The following CDH18 variants were observed in gnomAD, a reference collection of about 807,000 sequenced individuals.
CDH18 encodes the protein cadherin 18, also known as cadherin-18.
A neutral mutation model predicts 67.9 loss-of-function variants in CDH18; 31 were observed. The ratio of observed to expected loss-of-function variants is 0.46; its 90% CI spans 0.34 to 0.62. CDH18 has a LOEUF of 0.62. Among genes scored for constraint, CDH18 ranks in the 20% least tolerant of loss-of-function variants. CDH18 has a pLI of 0.01. For synonymous variants in CDH18, 362 were observed against 347.2 expected, an observed-to-expected ratio of 1.04 and a Z score of -0.48; for missense variants, 890 against 975.5, an observed-to-expected ratio of 0.91 and a Z score of 1.17.
At chr5:20,225,297 T>C (rs750219370) in intron 2 of CDH18, among the ~76,000 whole-genome samples, 2 of 152,184 alleles carry the variant, frequency 1.3e-5, no homozygotes, top group African/African-American at 2.4e-5. Context: ...ATATTGACTT[T>C]GCACTTTTTG....
chr5:20,528,243 GA>G (rs1756186732), intron 1 of CDH18, among the ~76,000 whole-genome samples: 2 of 151,934 alleles, frequency 1.3e-5, no homozygotes, highest in Non-Finnish European at 1.5e-5. Context: ...CCCAATACAA[GA>G]GCACCCAGAT....
chr5:19,872,149 G>A (rs1362353052), intron 2 of CDH18, among the ~76,000 whole-genome samples: 1 of 152,100 alleles, frequency 6.6e-6, no homozygotes, highest in Non-Finnish European at 1.5e-5. Flanking sequence ...AAAAGACTAT[G>A]TTACATTTGG....
intron 3 of CDH18, among the ~76,000 whole-genome samples, chr5:19,805,591 G>A (rs985347894): frequency 1.3e-5 from 2 of 151,896 alleles, no homozygotes; most frequent in Admixed American, 6.6e-5. Flanking sequence ...CTATCTGCAG[G>A]CCCACAAAAC....
chr5:20,163,267 T>G (rs1274965646), intron 2 of CDH18, among the ~76,000 whole-genome samples: 1 of 152,050 alleles, frequency 6.6e-6, no homozygotes, highest in African/African-American at 2.4e-5. Flanking sequence ...CTTATCAAAC[T>G]TAACAATATA....
intron 2 of CDH18, among the ~76,000 whole-genome samples, chr5:20,219,585 C>A (rs540162090): frequency 6.7e-6 from 1 of 149,222 alleles, no homozygotes; most frequent in East Asian, 2.0e-4. Flanking sequence ...AAATACTCAA[C>A]AAAATACTAG....
intron 2 of CDH18, among the ~76,000 whole-genome samples, chr5:19,936,652 C>T (rs1486780830): frequency 6.6e-6 from 1 of 150,794 alleles, no homozygotes; most frequent in East Asian, 1.9e-4. Flanking sequence ...ACTAGAAGCT[C>T]TAGTATAACA....
intron 4 of CDH18, among the ~76,000 whole-genome samples, chr5:19,721,679 C>T (rs561599285): frequency 5.3e-5 from 8 of 152,214 alleles, no homozygotes; most frequent in African/African-American, 1.9e-4. Flanking sequence ...ATATTGGTCC[C>T]AAACCTTTTA....
At chr5:19,728,449 A>G (rs2150617591) in intron 4 of CDH18, among the ~76,000 whole-genome samples, 1 of 152,310 alleles carries the variant, frequency 6.6e-6, no homozygotes, top group South Asian at 2.1e-4. Context: ...AGTACATGAG[A>G]ATGCCTTCAA....
intron 2 of CDH18, among the ~76,000 whole-genome samples, chr5:19,894,625 G>A (rs2150093217): frequency 6.6e-6 from 1 of 152,078 alleles, no homozygotes; most frequent in South Asian, 2.1e-4. Flanking sequence ...AGAAAATTAA[G>A]AAACCATATG....
intron 3 of CDH18, among the ~76,000 whole-genome samples, chr5:19,755,785 G>C (rs746176089): frequency 5.5e-4 from 83 of 151,704 alleles, no homozygotes; most frequent in Non-Finnish European, 9.4e-4. Flanking sequence ...TCCAGCAAGG[G>C]AGAAAGATGT....
chr5:19,665,057 C>A (rs1349748172), intron 5 of CDH18, among the ~76,000 whole-genome samples: 1 of 151,758 alleles, frequency 6.6e-6, no homozygotes, highest in Non-Finnish European at 1.5e-5. Flanking sequence ...CAATTGTCAA[C>A]ATAATTATAA....
At chr5:20,012,115 C>A (rs1426690075) in intron 2 of CDH18, among the ~76,000 whole-genome samples, 2 of 151,652 alleles carry the variant, frequency 1.3e-5, no homozygotes. Context: ...AATTTCAGAA[C>A]TCATTATTGG....
chr5:20,362,168 G>T (rs1285003006), intron 1 of CDH18, among the ~76,000 whole-genome samples: 1 of 152,078 alleles, frequency 6.6e-6, no homozygotes, highest in Non-Finnish European at 1.5e-5. Context: ...TTTCCTGTTT[G>T]GTCTAGAGAC....
chr5:19,970,926 G>T (rs139802255), intron 2 of CDH18, among the ~76,000 whole-genome samples: 307 of 151,838 alleles, frequency 2.0e-3, no homozygotes, highest in African/African-American at 6.7e-3. Flanking sequence ...ATCTCCATTG[G>T]AGACGGAGTG....
At chr5:20,195,311 T>C (rs1317473755) in intron 2 of CDH18, among the ~76,000 whole-genome samples, 2 of 152,064 alleles carry the variant, frequency 1.3e-5, no homozygotes, top group African/African-American at 2.4e-5. Context: ...AATGCATTCA[T>C]ATTATCCATA....
At chr5:20,214,372 C>A in intron 2 of CDH18, among the ~76,000 whole-genome samples, 1 of 151,948 alleles carries the variant, frequency 6.6e-6, no homozygotes, top group African/African-American at 2.4e-5. Flanking sequence ...AAAATTGCCC[C>A]TAATACCAAG....
rs538368952 is a variant in CDH18, at chr5:20,526,100, T to C, written c.-580+49362A>G. The stretch of plus-strand genomic sequence containing the variant: ...GCCAGTGCAAGGGAGGCTGGGAGGT[T>C]TGGACTGGGTGGTATTCCCGACAGG... On this transcript the variant is annotated intron_variant, in intron 1 of 14. Coordinates refer to the CDH18 transcript ENST00000507958. Among the ~76,000 whole-genome samples the C allele has an allele frequency of 6.3e-4, 96 of 152,196 alleles. 1 individual carries two copies. Among genetic ancestry groups the C allele is most frequent in the Middle Eastern group, 3.4e-3 (1 of 292 alleles).
At chr5:19,573,084 T>C (rs1741716479) in intron 7 of CDH18, among the ~76,000 whole-genome samples, 1 of 152,162 alleles carries the variant, frequency 6.6e-6, no homozygotes, top group African/African-American at 2.4e-5. Flanking sequence ...CAAAAAAATA[T>C]GTATCTTTAT....
chr5:19,889,354 C>A (rs1307922555), intron 2 of CDH18, among the ~76,000 whole-genome samples: 1 of 151,784 alleles, frequency 6.6e-6, no homozygotes, highest in Admixed American at 6.6e-5. Flanking sequence ...TCTCCAACAT[C>A]CTATAAAATT....
Sources: gnomAD v4.1 joint callset for allele counts (sites outside exome capture counted in the v4.1 genomes callset) on GRCh38, gnomAD v4.1.1 for gene constraint, MANE v1.5 for transcripts, NCBI Gene and HGNC (gene_info 2026-07-23, HGNC 2026-07-21) for gene names.